Variants in STKLD1 observed in about 807,000 individuals in gnomAD.
STKLD1 encodes serine/threonine kinase-like domain-containing protein STKLD1.
A neutral mutation model predicts 80.4 loss-of-function variants in STKLD1; 79 were observed. The observed-to-expected ratio is 0.98, with a 90% CI of 0.82 to 1.19. STKLD1 has a LOEUF of 1.19. Among genes scored for constraint, STKLD1 ranks in the 50% most tolerant of loss-of-function variants. STKLD1 has a pLI of 0.00. For missense variants in STKLD1, 841 were observed against 856.0 expected (o/e 0.98, Z 0.22); for synonymous variants, 393 against 357.6 (o/e 1.10, Z -1.12).
intron 2 of STKLD1, among the ~76,000 whole-genome samples, chr9:133,382,035 C>G (rs1032928717): frequency 6.6e-6 from 1 of 152,148 alleles, no homozygotes; most frequent in Admixed American, 6.5e-5. Context: ...TAGTATATAC[C>G]TAGGGCCTGT....
intron 5 of STKLD1, chr9:133,388,623 C>T (rs979426005): frequency 2.3e-6 from 1 of 443,066 alleles, no homozygotes; most frequent in Non-Finnish European, 3.0e-6. Flanking sequence ...AATGCTGACT[C>T]TTATGGTTAG....
chr9:133,402,464 G>A (rs901248982), intron 13 of STKLD1, among the ~76,000 whole-genome samples: 1 of 152,194 alleles, frequency 6.6e-6, no homozygotes, highest in African/African-American at 2.4e-5. Context: ...ATCTCACTTT[G>A]GGGAGTGAAA....
chr9:133,404,733 G>A (rs1838801768), intron 16 of STKLD1, 56 bp from the exon 17 acceptor site: 4 of 1,593,748 alleles, frequency 2.5e-6, no homozygotes, highest in Non-Finnish European at 3.4e-6. Context: ...CTGGGCAGAA[G>A]GCTCTTCCCT....
chr9:133,403,003 C>T lies in STKLD1; in HGVS notation c.1465C>T (p.Leu489=), dbSNP rs1554777988. 1.3e-6 allele frequency: 2 copies of T among 1,568,676 alleles called. No individual in the cohort carries two copies. The highest frequency in any genetic ancestry group is 2.7e-5 in the African/African-American group (2 of 74,040). ...CGGCCTGGGCCTGCTCTGGGCCCTCCTGCTGGACGGTGAGGGGCCCTCCTC... is the reference window on the plus strand; with the variant it reads ...CGGCCTGGGCCTGCTCTGGGCCCTCTTGCTGGACGGTGAGGGGCCCTCCTC... ...ASGLGLLWAL[L]LDGIIVNKAP... is the part of the protein sequence containing the mutation. Residue 489 remains leucine, a synonymous_variant, in exon 14 of 18, where the codon CTG becomes TTG. Transcript: ENST00000371957.
chr9:133,403,188 C>A (rs1334880242), intron 14 of STKLD1, among the ~76,000 whole-genome samples, 176 bp downstream of exon 14: 1 of 152,238 alleles, frequency 6.6e-6, no homozygotes, highest in Admixed American at 6.5e-5. Context: ...AATCAAGGAG[C>A]AGAGAGAGAA....
rs756738886 is a variant in STKLD1, at chr9:133,398,059, G to C, written c.1081+4G>C. The C allele has an allele frequency of 2.5e-6, 4 of 1,612,994 alleles. No homozygotes were observed. Among genetic ancestry groups the C allele is most frequent in the Non-Finnish European group, 3.4e-6 (4 of 1,179,526 alleles). On this transcript the variant is annotated splice_donor_region_variant and intron_variant, in intron 11 of 17. Coordinates refer to ENST00000371957, the MANE Select transcript of STKLD1 (RefSeq NM_153710.5). Reference sequence around the variant, plus strand: ...AAAATGCCTGCAGATCAGCTAGGTAGGCCCCACCCTGCACCCCTTTCCCAG... The same window carrying C: ...AAAATGCCTGCAGATCAGCTAGGTACGCCCCACCCTGCACCCCTTTCCCAG...
At chr9:133,378,971 C>A (rs1020837353) in intron 1 of STKLD1, 65 bp from the exon 2 acceptor site, 7 of 1,467,918 alleles carry the variant, frequency 4.8e-6, no homozygotes, top group African/African-American at 4.2e-5. Context: ...GGAGTTGGAG[C>A]TGGGCTTTTG....
intron 3 of STKLD1, 26 bp downstream of exon 3, chr9:133,383,926 TG>T (rs2130271576): frequency 6.2e-7 from 1 of 1,611,128 alleles, no homozygotes; most frequent in Admixed American, 1.7e-5. Context: ...GTTTTCCCTC[TG>T]GAAGAGCTCA....
chr9:133,397,850 T>C, intron 10 of STKLD1, 122 bp from the exon 11 acceptor site: 1 of 741,552 alleles, frequency 1.3e-6, no homozygotes, highest in Non-Finnish European at 2.2e-6. Flanking sequence ...CCTCTCATCC[T>C]GAACCTGTGG....
At chr9:133,396,846 TG>T (rs1554776792) in intron 9 of STKLD1, among the ~76,000 whole-genome samples, 1 of 152,168 alleles carries the variant, frequency 6.6e-6, no homozygotes, top group Non-Finnish European at 1.5e-5. Flanking sequence ...CCAACGCAGT[TG>T]TAAAATCTGG....
chr9:133,405,200 C>T, intron 17 of STKLD1, 52 bp from the exon 18 acceptor site: 1 of 1,538,858 alleles, frequency 6.5e-7, no homozygotes, highest in Non-Finnish European at 8.7e-7. Flanking sequence ...GGGCTTCTGG[C>T]AAGGGGCACA....
chr9:133,377,769 G>T (rs952212383), intron 1 of STKLD1, among the ~76,000 whole-genome samples: 1 of 152,150 alleles, frequency 6.6e-6, no homozygotes, highest in African/African-American at 2.4e-5. Context: ...GTTTTGGGAT[G>T]ATTCAAGCAC....
Position 133,384,282 on chromosome 9 carries a change from T to A in STKLD1, c.219+382T>A, listed in dbSNP as rs1588739195. 5.6e-6 allele frequency: 1 copy of A among 179,990 alleles called. No homozygotes were observed. Among genetic ancestry groups the A allele is most frequent in the Non-Finnish European group, 1.2e-5 (1 of 84,064 alleles). The allele number at this position is 179,990 out of a possible 1,614,324, so 11.1% of individuals were successfully genotyped here. A position where few individuals can be genotyped will look rare whatever the true frequency, so the allele number is the denominator to read the frequency against. On this transcript the variant is annotated intron_variant, in intron 3 of 17. Transcript: ENST00000371957. This position sits in a 1 kb window ranked among gnomAD's most constrained non-coding sequence, Gnocchi z 4.3. ...GGGGAAACCCTGTCTCAACCAAAAA[T>A]ACAAAAAAATTAGCTGGGCATGGTG...
intron 2 of STKLD1, among the ~76,000 whole-genome samples, chr9:133,379,448 A>G (rs1838081838): frequency 6.6e-6 from 1 of 152,254 alleles, no homozygotes; most frequent in African/African-American, 2.4e-5. Context: ...AGCCAAAGAC[A>G]GTGAGGCTCA....
Position 133,402,967 on chromosome 9 carries a change from G to T in STKLD1, c.1429G>T (p.Val477Phe). 1 of 1,579,362 alleles carries T rather than the reference G, an allele frequency of 6.3e-7. No individual in the cohort carries two copies. Among genetic ancestry groups the T allele is most frequent in the Admixed American group, 1.8e-5 (1 of 55,794 alleles). Residue 477 changes from valine (V) to phenylalanine (F), a missense_variant, in exon 14 of 18, where the codon GTC (valine) becomes TTC (phenylalanine). By Grantham distance (50) the Val-to-Phe change is conservative (BLOSUM62 -1). Coordinates refer to ENST00000371957, the MANE Select transcript of STKLD1 (RefSeq NM_153710.5). The part of the protein sequence containing the change: ...HLNSSLESRD[V>F]CASGLGLLWA... ...CAACAGCTCCCTCGAAAGCAGGGAC[G>T]TCTGCGCCAGCGGCCTGGGCCTGCT...
At chr9:133,383,338 A>G (rs1258079217) in intron 2 of STKLD1, among the ~76,000 whole-genome samples, 147 of 3,262 alleles carry the variant, frequency 0.045, 24 homozygotes, top group East Asian at 0.067. Context: ...GGTGATGGTG[A>G]TGGTGATGAT....
intron 11 of STKLD1, among the ~76,000 whole-genome samples, chr9:133,398,973 C>T (rs1444908616): frequency 6.6e-6 from 1 of 152,154 alleles, no homozygotes; most frequent in Non-Finnish European, 1.5e-5. Context: ...CTGCTTCAGC[C>T]TCCCAAGTAG....
intron 5 of STKLD1, chr9:133,387,897 C>T: frequency 2.1e-6 from 1 of 481,594 alleles, no homozygotes; most frequent in Non-Finnish European, 4.1e-6. Flanking sequence ...TTCCCTCAGC[C>T]TGCTGTTGTG....
chr9:133,382,257 G>A (rs2130268029), intron 2 of STKLD1, among the ~76,000 whole-genome samples: 4 of 152,190 alleles, frequency 2.6e-5, no homozygotes, highest in South Asian at 2.1e-4. Flanking sequence ...GTTTAAAGAC[G>A]GTCTGAAAAT....
Sources: gnomAD v4.1 joint callset for allele counts (sites outside exome capture counted in the v4.1 genomes callset) on GRCh38, gnomAD v4.1.1 for gene constraint, Gnocchi (gnomAD v3.1) non-coding constraint, MANE v1.5 for transcripts, NCBI Gene and HGNC (gene_info 2026-07-23, HGNC 2026-07-21) for gene names.